The following C2orf78 variants were observed in gnomAD, a reference collection of about 807,000 sequenced individuals.
C2orf78 encodes the protein chromosome 2 open reading frame 78, also known as uncharacterized protein C2orf78.
In C2orf78, 12 loss-of-function variants were observed where a neutral mutation model predicts 21.4. The observed-to-expected ratio is 0.56, with a 90% CI of 0.36 to 0.91. The LOEUF (loss-of-function observed/expected upper bound fraction) is 0.91. Among genes scored for constraint, C2orf78 ranks in the 40% least tolerant of loss-of-function variants. The pLI is 0.01. For missense variants in C2orf78, 1,042 were observed against 1,092.4 expected (o/e 0.95, Z 0.65); for synonymous variants, 396 against 413.9 (o/e 0.96, Z 0.52).
intron 1 of C2orf78, 28 bp from the exon 2 acceptor site, chr2:73,813,449 T>G: frequency 2.0e-6 from 3 of 1,536,490 alleles, no homozygotes; most frequent in Non-Finnish European, 1.7e-6. Flanking sequence ...TCTCATCGGT[T>G]TTTTCATCTC....
At chr2:73,807,145 C>A in intron 1 of C2orf78, among the ~76,000 whole-genome samples, 1 of 135,934 alleles carries the variant, frequency 7.4e-6, no homozygotes. Context: ...CGGCCACTGC[C>A]CTCCAGCCTG....
intron 1 of C2orf78, among the ~76,000 whole-genome samples, chr2:73,807,914 G>C (rs1672988212): frequency 6.6e-6 from 1 of 150,772 alleles, no homozygotes; most frequent in South Asian, 2.1e-4. Flanking sequence ...AAACTTTGCT[G>C]TTCAAGTTAC....
At chr2:73,807,529 C>T (rs1477508742) in intron 1 of C2orf78, among the ~76,000 whole-genome samples, 1 of 16,956 alleles carries the variant, frequency 5.9e-5, no homozygotes, top group Non-Finnish European at 1.2e-4. Context: ...CTGTGTGGCC[C>T]AAGGAGCCAG....
chr2:73,809,629 T>G (rs1406343226), intron 1 of C2orf78, among the ~76,000 whole-genome samples: 1 of 152,096 alleles, frequency 6.6e-6, no homozygotes, highest in East Asian at 1.9e-4. Flanking sequence ...CTACAAAAAC[T>G]TTTTAAAACT....
exon 2 of C2orf78, chr2:73,813,634 TGGC>T: frequency 5.6e-6 from 9 of 1,614,034 alleles, no homozygotes; most frequent in Non-Finnish European, 7.6e-6. Context: ...CATCAGCCTC[TGGC>T]ACCTCCTTCC....
rs544552827 is a variant in C2orf78, at chr2:73,786,030, G to C, written c.97+1624G>C. Among the ~76,000 whole-genome samples, 6 of 151,714 alleles carry C rather than the reference G, an allele frequency of 4.0e-5. No individual in the cohort carries two copies. In the East Asian group the frequency reaches 1.2e-3, roughly 30 times the overall value. ...CATTGCACTCCAGCCTGGGCAATAA[G>C]AGGGAAACTCCGCTTCAAAAAGAAA... On this transcript the variant is annotated intron_variant, in intron 1 of 2. Coordinates refer to ENST00000409561, the Ensembl canonical transcript of C2orf78.
intron 1 of C2orf78, among the ~76,000 whole-genome samples, chr2:73,810,695 T>A (rs1209670438): frequency 1.5e-5 from 2 of 132,714 alleles, no homozygotes; most frequent in East Asian, 2.0e-4. Context: ...CATATATATT[T>A]TATATATATA....
At chr2:73,817,084 CAT>C in exon 3 of C2orf78, 8 of 1,277,210 alleles carry the variant, frequency 6.3e-6, no homozygotes, top group Non-Finnish European at 8.2e-6. Context: ...ATTTTTAAAA[CAT>C]AATAAAGAAA....
intron 1 of C2orf78, among the ~76,000 whole-genome samples, chr2:73,809,511 G>A (rs562173952): frequency 6.6e-5 from 10 of 152,002 alleles, no homozygotes; most frequent in Non-Finnish European, 1.2e-4. Context: ...TCAGTTGGGC[G>A]TGGTAGCTCA....
At position 73,813,516 on chromosome 2, in the gene C2orf78, C is replaced by G. The variant is rs771214977; in HGVS notation, c.137C>G (p.Ser46Cys). Residue 46 changes from serine (S) to cysteine (C), a missense_variant, in exon 2 of 3, where the codon TCT becomes TGT. This residue lies in a region of C2orf78 where 1,039 missense variants were observed against 1,069.7 expected (regional missense o/e 0.97). Coordinates refer to ENST00000409561, the Ensembl canonical transcript of C2orf78. ...ACGTCTTTACCTGGAACTGCAAATT[C>G]TCGGCAGTTCTCTCTTCCTGTGGTG... 20 of 1,611,488 alleles carry G rather than the reference C, an allele frequency of 1.2e-5. No homozygotes were observed. The South Asian group carries it at 1.9e-4, about 15-fold the overall frequency.
chr2:73,816,125 G>C, exon 3 of C2orf78: 4 of 1,613,944 alleles, frequency 2.5e-6, no homozygotes, highest in Non-Finnish European at 3.4e-6. Context: ...TAGAGTCCGT[G>C]CAAGTTTTCC....
chr2:73,813,727 C>A (rs1294993963), exon 2 of C2orf78: 6 of 1,613,938 alleles, frequency 3.7e-6, no homozygotes, highest in Non-Finnish European at 4.2e-6. Context: ...AGAGCCATAT[C>A]TGTACTTCAG....
rs542536498 is a variant in C2orf78, at chr2:73,808,960, A to G, written c.98-4517A>G. On this transcript the variant is annotated intron_variant, in intron 1 of 2. Transcript: ENST00000409561. Reference sequence around the variant, plus strand: ...GAGATTTCTTTGCCACTAAATTTAGATTTCTTTCCCCCTATATTCCCAAAC... The same window carrying G: ...GAGATTTCTTTGCCACTAAATTTAGGTTTCTTTCCCCCTATATTCCCAAAC... The G allele has an allele frequency of 1.6e-3, 947 of 584,858 alleles. 19 individuals carry two copies. The highest frequency in any genetic ancestry group is 0.015 in the South Asian group (765 of 50,636). The allele number at this position is 584,858 out of a possible 1,614,324, so 36.2% of individuals were successfully genotyped here.
exon 3 of C2orf78, chr2:73,815,268 TCTCCAG>T: frequency 6.2e-7 from 1 of 1,613,840 alleles, no homozygotes; most frequent in Non-Finnish European, 8.5e-7. Flanking sequence ...CTTGACACTG[TCTCCAG>T]CTCCAAGCCA....
At chr2:73,815,639 G>A in exon 3 of C2orf78, 1 of 1,613,964 alleles carries the variant, frequency 6.2e-7, no homozygotes, top group East Asian at 2.2e-5. Context: ...CCTCAGCAAA[G>A]AAAGCCAAAG....
exon 3 of C2orf78, chr2:73,815,086 T>G (rs1367839083): frequency 1.2e-6 from 2 of 1,611,796 alleles, no homozygotes; most frequent in South Asian, 2.2e-5. Flanking sequence ...GAAACTTCCC[T>G]GGGGATGGAT....
At position 73,813,474 on chromosome 2, in the gene C2orf78, C is replaced by A; in HGVS notation, c.98-3C>A. 6.3e-7 allele frequency: 1 copy of A among 1,587,128 alleles called. No individual in the cohort carries two copies. The highest frequency in any genetic ancestry group is 8.6e-7 in the Non-Finnish European group (1 of 1,168,962). On this transcript the variant is annotated splice_region_variant and splice_polypyrimidine_tract_variant and intron_variant, in intron 1 of 2. Transcript: ENST00000409561. Reference sequence around the variant, plus strand: ...TTTTTCATCTCTCTCTTGTTTCCTACAGAATATTTCCAAAATACGTCTTTA... The same window carrying A: ...TTTTTCATCTCTCTCTTGTTTCCTAAAGAATATTTCCAAAATACGTCTTTA...
chr2:73,815,897 A>C, exon 3 of C2orf78: 2 of 1,613,680 alleles, frequency 1.2e-6, no homozygotes, highest in Non-Finnish European at 1.7e-6. Flanking sequence ...ACAAGGCTGC[A>C]TCCAGCAGGA....
chr2:73,813,103 G>C (rs959007098), intron 1 of C2orf78, among the ~76,000 whole-genome samples: 8 of 152,174 alleles, frequency 5.3e-5, no homozygotes, highest in Admixed American at 5.2e-4. Context: ...TGAAATGTTA[G>C]AACTTCTCTA....
Sources: allele counts gnomAD v4.1 joint callset (sites outside exome capture counted in the v4.1 genomes callset), GRCh38; gene constraint gnomAD v4.1.1; regional missense constraint gnomAD v4.1.1; transcripts MANE v1.5; gene names NCBI Gene and HGNC (gene_info 2026-07-23, HGNC 2026-07-21).